Variants in FNDC3A observed in about 807,000 individuals in gnomAD.
FNDC3A encodes fibronectin type III domain containing 3A, also known as fibronectin type-III domain-containing protein 3A.
Under a neutral mutation model 148.9 loss-of-function variants are expected in FNDC3A, and 32 were observed. The observed-to-expected ratio is 0.21, with a 90% CI of 0.16 to 0.29. FNDC3A has a LOEUF of 0.29. Among genes scored for constraint, FNDC3A ranks in the 10% least tolerant of loss-of-function variants. The pLI, the probability that FNDC3A is intolerant of heterozygous loss-of-function variation, is 1.00. For synonymous variants in FNDC3A, 472 were observed against 473.6 expected (o/e 1.00, Z 0.04); for missense variants, 1,191 against 1,452.8 (o/e 0.82, Z 2.93).
rs143694985 is a variant in FNDC3A, at chr13:49,201,953, A to C, written c.3141A>C (p.Pro1047=). ...EYIFTTPKSV[P]AALKAPKIEK... ...TTTTCACTACTCCAAAATCTGTCCC[A>C]GCTGCCTTGAAAGGTAAGTTATACA... The change falls in exon 24 of 26, where the codon CCA becomes CCC. Residue 1047 remains proline, a synonymous_variant. Transcript: ENST00000492622. The C allele has an allele frequency of 6.4e-7, 1 of 1,561,982 alleles. No homozygotes were observed. Among genetic ancestry groups the C allele is most frequent in the African/African-American group, 1.4e-5 (1 of 72,150 alleles).
In FNDC3A at chr13:49,042,183, T is replaced by C. The variant is rs56740986; in HGVS notation, c.100-33106T>C. On this transcript the variant is annotated intron_variant, in intron 2 of 25. Transcript: ENST00000492622. ...CAACTTATATATCAATAGAAAGATA[T>C]TTATAAAATCCATTGTAAAGCCATC... Among the ~76,000 whole-genome samples, 166 of 152,264 alleles carry C rather than the reference T, an allele frequency of 1.1e-3. 1 individual carries two copies. Among genetic ancestry groups the C allele is most frequent in the African/African-American group, 3.6e-3 (148 of 41,554 alleles).
chr13:49,101,035 T>C (rs530781097), intron 3 of FNDC3A, among the ~76,000 whole-genome samples: 1 of 152,284 alleles, frequency 6.6e-6, no homozygotes, highest in South Asian at 2.1e-4. Context: ...GCAGGTTGAT[T>C]AAGGCCTCTG....
At position 48,988,392 on chromosome 13, in the gene FNDC3A, G is replaced by T. The variant is rs182040150; in HGVS notation, c.-40+12215G>T. ...GTCAACATCCAAGCCAAATTGGAAT[G>T]TTCATGAATACACCTACTTTAGCAA... On this transcript the variant is annotated intron_variant, in intron 1 of 25. Coordinates refer to ENST00000492622, the MANE Select transcript of FNDC3A (RefSeq NM_001079673.2). Among the ~76,000 whole-genome samples, 40 of 152,292 alleles carry T rather than the reference G, an allele frequency of 2.6e-4. No homozygotes were observed. The East Asian group carries it at 6.8e-3, about 26-fold the overall frequency.
intron 9 of FNDC3A, among the ~76,000 whole-genome samples, chr13:49,167,676 A>G (rs1326220363): frequency 6.6e-6 from 1 of 152,140 alleles, no homozygotes; most frequent in Non-Finnish European, 1.5e-5. Flanking sequence ...ATTGTATTCC[A>G]GCCTGGGCTA....
intron 2 of FNDC3A, among the ~76,000 whole-genome samples, chr13:49,054,975 C>T (rs1263218681): frequency 1.3e-5 from 2 of 151,832 alleles, no homozygotes; most frequent in African/African-American, 2.4e-5. Context: ...GAGATATCTT[C>T]ATTTCATTTT....
Position 49,145,766 on chromosome 13 carries a change from G to C in FNDC3A, c.820-12G>C. 1 of 1,612,236 alleles carries C rather than the reference G, an allele frequency of 6.2e-7. No homozygotes were observed. Among genetic ancestry groups the C allele is most frequent in the Non-Finnish European group, 8.5e-7 (1 of 1,178,854 alleles). On this transcript the variant is annotated splice_polypyrimidine_tract_variant and intron_variant, in intron 7 of 25. Coordinates refer to ENST00000492622, the MANE Select transcript of FNDC3A (RefSeq NM_001079673.2). ...TTGTTTTAAAGAACTTTTAAATGTTGTATTTTTACAGGCCTCCGACATCCA... is the reference window on the plus strand; with the variant it reads ...TTGTTTTAAAGAACTTTTAAATGTTCTATTTTTACAGGCCTCCGACATCCA...
intron 2 of FNDC3A, among the ~76,000 whole-genome samples, chr13:49,019,521 G>A (rs1316696279): frequency 2.6e-5 from 4 of 152,184 alleles, no homozygotes; most frequent in Non-Finnish European, 4.4e-5. Flanking sequence ...CTAGTGAGAT[G>A]AACCCGGTAC....
At chr13:49,153,504 C>CTT (rs1883454314) in intron 8 of FNDC3A, among the ~76,000 whole-genome samples, 2 of 152,172 alleles carry the variant, frequency 1.3e-5, no homozygotes, top group African/African-American at 2.4e-5. Flanking sequence ...TTTTGCTGTG[C>CTT]AGAAGGTCTT....
At chr13:49,171,924 G>A (rs1024056271) in intron 10 of FNDC3A, 119 bp from the exon 11 acceptor site, 8 of 645,764 alleles carry the variant, frequency 1.2e-5, no homozygotes, top group African/African-American at 7.5e-5. Flanking sequence ...GAACATTTTC[G>A]CAGGACCAAG....
intron 2 of FNDC3A, among the ~76,000 whole-genome samples, chr13:49,049,683 A>C (rs1305440544): frequency 6.7e-6 from 1 of 150,236 alleles, no homozygotes; most frequent in Non-Finnish European, 1.5e-5. Context: ...AGTTGAGCTT[A>C]TTTGGATCTT....
chr13:49,122,226 A>T (rs547355223), intron 4 of FNDC3A, among the ~76,000 whole-genome samples: 3 of 152,328 alleles, frequency 2.0e-5, no homozygotes, highest in South Asian at 2.1e-4. Context: ...AATCTATCAC[A>T]TAAACAGCAC....
At chr13:49,056,592 C>T (rs1294207271) in intron 2 of FNDC3A, among the ~76,000 whole-genome samples, 1 of 152,118 alleles carries the variant, frequency 6.6e-6, no homozygotes, top group African/African-American at 2.4e-5. Context: ...GTATTTTGGA[C>T]TTTCTTATTC....
At chr13:49,078,146 T>C (rs2137787880) in intron 3 of FNDC3A, among the ~76,000 whole-genome samples, 1 of 152,316 alleles carries the variant, frequency 6.6e-6, no homozygotes, top group South Asian at 2.1e-4. Context: ...TGTTTTAGTG[T>C]GACTCAGAAC....
At chr13:49,198,689 T>TG in intron 23 of FNDC3A, 115 bp downstream of exon 23, 1 of 826,772 alleles carries the variant, frequency 1.2e-6, no homozygotes. Context: ...CTCAGCACTT[T>TG]GGGAGGCTGA....
Position 49,207,120 on chromosome 13 carries a change from C to T in FNDC3A, c.3322C>T (p.Leu1108Phe). The T allele has an allele frequency of 6.2e-7, 1 of 1,614,162 alleles. No homozygotes were observed. The highest frequency in any genetic ancestry group is 8.5e-7 in the Non-Finnish European group (1 of 1,179,980). The change falls in exon 26 of 26, where the codon CTT becomes TTT. Residue 1108 changes from leucine (L) to phenylalanine (F), a missense_variant. By Grantham distance (22) the Leu-to-Phe change is conservative. This residue lies in a region of FNDC3A where 751 missense variants were observed against 944.0 expected (regional missense o/e 0.80). Coordinates refer to ENST00000492622, the MANE Select transcript of FNDC3A (RefSeq NM_001079673.2). ...GPDSSFRYSS[L>F]QLNCEYRFRV... Reference sequence around the variant, plus strand: ...CGACTCTTCCTTCCGGTATTCCAGCCTTCAGCTGAACTGTGAATATCGCTT... The same window carrying T: ...CGACTCTTCCTTCCGGTATTCCAGCTTTCAGCTGAACTGTGAATATCGCTT...
chr13:49,198,789 G>T (rs959037143), intron 23 of FNDC3A, among the ~76,000 whole-genome samples: 1 of 152,112 alleles, frequency 6.6e-6, no homozygotes, highest in African/African-American at 2.4e-5. Flanking sequence ...TTTTAATGAA[G>T]TAAGTTTTCA....
rs1952220265 is a variant in FNDC3A at position 49,006,306 on chromosome 13, GTTTA to G, written c.99+21_99+24del. ...ACACAACAGGTAAGAAAACTGAAATGTTTATTTCTTTATGTCTAATACACATGTA... is the reference window on the plus strand; with the variant it reads ...ACACAACAGGTAAGAAAACTGAAATGTTTCTTTATGTCTAATACACATGTA... On this transcript the variant is annotated intron_variant, in intron 2 of 25. Coordinates refer to ENST00000492622, the MANE Select transcript of FNDC3A (RefSeq NM_001079673.2). 1 of 1,451,700 alleles carries G rather than the reference GTTTA, an allele frequency of 6.9e-7. No homozygotes were observed. The highest frequency in any genetic ancestry group is 1.4e-5 in the African/African-American group (1 of 71,440). 89.9% of individuals were successfully genotyped at this position (1,451,700 alleles called of 1,614,324 possible).
chr13:49,017,808 A>G (rs1441918939), intron 2 of FNDC3A, among the ~76,000 whole-genome samples: 1 of 148,348 alleles, frequency 6.7e-6, no homozygotes, highest in Non-Finnish European at 1.5e-5. Context: ...TGGTGACAAA[A>G]TCTCTCAGCA....
At chr13:49,086,444 T>A (rs954785629) in intron 3 of FNDC3A, among the ~76,000 whole-genome samples, 2 of 152,214 alleles carry the variant, frequency 1.3e-5, no homozygotes, top group Non-Finnish European at 2.9e-5. Context: ...TACATATTCA[T>A]AACTATACTA....
Sources: gnomAD v4.1 joint callset for allele counts (sites outside exome capture counted in the v4.1 genomes callset) on GRCh38, gnomAD v4.1.1 for gene constraint, gnomAD v4.1.1 regional missense constraint, MANE v1.5 for transcripts, NCBI Gene and HGNC (gene_info 2026-07-23, HGNC 2026-07-21) for gene names.